Variants in SLC49A4 observed in about 807,000 individuals in gnomAD.
The protein encoded by SLC49A4 is disrupted in renal cancer protein 2.
A neutral mutation model predicts 50.6 loss-of-function variants in SLC49A4; 36 were observed. That is an observed-to-expected ratio of 0.71 (90% CI 0.55 to 0.94). The LOEUF (loss-of-function observed/expected upper bound fraction) is 0.94. Ranked by LOEUF, SLC49A4 falls within the 40% of genes least tolerant of loss-of-function variation. The pLI, the probability that SLC49A4 is intolerant of heterozygous loss-of-function variation, is 0.00. For missense variants in SLC49A4, 503 were observed against 605.7 expected, an observed-to-expected ratio of 0.83 and a Z score of 1.78; for synonymous variants, 248 against 241.2, an observed-to-expected ratio of 1.03 and a Z score of -0.26.
chr3:122,804,917 A>G (rs747100407), intron 1 of SLC49A4, among the ~76,000 whole-genome samples: 1 of 152,210 alleles, frequency 6.6e-6, no homozygotes, highest in African/African-American at 2.4e-5. Flanking sequence ...TAACAATAGG[A>G]AGCCTGGTTA....
chr3:122,874,877 G>A (rs1329198726), intron 8 of SLC49A4, among the ~76,000 whole-genome samples: 1 of 152,174 alleles, frequency 6.6e-6, no homozygotes, highest in Non-Finnish European at 1.5e-5. Flanking sequence ...TGTTTGTTTT[G>A]TTTCTTCTAG....
At chr3:122,810,007 T>A (rs1303015012) in intron 2 of SLC49A4, among the ~76,000 whole-genome samples, 1 of 152,238 alleles carries the variant, frequency 6.6e-6, no homozygotes. Flanking sequence ...TAGCCATCAC[T>A]TTTAAGCTTC....
chr3:122,816,107 C>T (rs1936364097), intron 2 of SLC49A4, among the ~76,000 whole-genome samples: 1 of 152,152 alleles, frequency 6.6e-6, no homozygotes, highest in Non-Finnish European at 1.5e-5. Context: ...GTGGTATCCA[C>T]ATTGATGCCA....
intron 3 of SLC49A4, among the ~76,000 whole-genome samples, chr3:122,832,247 A>G (rs1936617805): frequency 1.3e-5 from 2 of 152,194 alleles, no homozygotes; most frequent in Admixed American, 6.5e-5. Flanking sequence ...CTATATTCCA[A>G]GTTTCCTGAC....
chr3:122,811,868 G>A (rs1441679770), intron 2 of SLC49A4, among the ~76,000 whole-genome samples: 2 of 152,128 alleles, frequency 1.3e-5, no homozygotes, highest in African/African-American at 4.8e-5. Flanking sequence ...TTTTTTCTGG[G>A]AAGAGCATCT....
At chr3:122,811,646 GA>G (rs1936302005) in intron 2 of SLC49A4, among the ~76,000 whole-genome samples, 1 of 152,230 alleles carries the variant, frequency 6.6e-6, no homozygotes, top group Admixed American at 6.5e-5. Flanking sequence ...TGTAATAGCA[GA>G]AGGCTGGATG....
At position 122,860,117 on chromosome 3, in the gene SLC49A4, C is replaced by A. The variant is rs770185149; in HGVS notation, c.1053C>A (p.Leu351=). 4.3e-6 allele frequency: 7 copies of A among 1,613,092 alleles called. No homozygotes were observed. In the Admixed American group the frequency reaches 6.7e-5, roughly 15 times the overall value. Residue 351 remains leucine, a synonymous_variant, in exon 7 of 9, where the codon CTC becomes CTA. Coordinates refer to ENST00000261038, the MANE Select transcript of SLC49A4 (RefSeq NM_032839.3). The stretch of plus-strand genomic sequence containing the variant: ...GGGGTATGCTGAAACTAATTCTTCT[C>A]CTCCTGTTTTCGGGAGCTACACTGT... ...FIRGMLKLIL[L]LLFSGATLSS...
chr3:122,870,692 A>G (rs545109666), intron 7 of SLC49A4, among the ~76,000 whole-genome samples: 2 of 151,802 alleles, frequency 1.3e-5, no homozygotes, highest in South Asian at 4.2e-4. Context: ...ACGAACCTGT[A>G]ATCCCACATG....
intron 3 of SLC49A4, among the ~76,000 whole-genome samples, chr3:122,829,292 A>G (rs1936578869): frequency 6.6e-6 from 1 of 152,250 alleles, no homozygotes; most frequent in East Asian, 1.9e-4. Context: ...TCAAAACTCA[A>G]TTTATGGAAT....
Position 122,847,971 on chromosome 3 carries a change from A to C in SLC49A4, c.942+2100A>C, listed in dbSNP as rs377535177. 3.9e-5 allele frequency among the ~76,000 whole-genome samples: 6 copies of C among 152,346 alleles called. No homozygotes were observed. The East Asian group carries it at 9.6e-4, about 24-fold the overall frequency. ...TTGATATTTAAACCAATTGAAATGA[A>C]ATAAAAGTAAAAAATCACTTCCTTA... On this transcript the variant is annotated intron_variant, in intron 5 of 8. Coordinates refer to ENST00000261038, the MANE Select transcript of SLC49A4 (RefSeq NM_032839.3).
At chr3:122,796,390 T>G (rs1028403960) in intron 1 of SLC49A4, among the ~76,000 whole-genome samples, 1 of 152,248 alleles carries the variant, frequency 6.6e-6, no homozygotes, top group Non-Finnish European at 1.5e-5. Context: ...ATGAGTTCTT[T>G]AGTCAGATTT....
chr3:122,872,152 T>C (rs1937203763), intron 7 of SLC49A4, among the ~76,000 whole-genome samples: 1 of 152,180 alleles, frequency 6.6e-6, no homozygotes, highest in Non-Finnish European at 1.5e-5. Context: ...TAGTGGTAAA[T>C]TGTTTTGTGC....
chr3:122,872,066 C>T (rs1045316850), intron 7 of SLC49A4, among the ~76,000 whole-genome samples: 5 of 151,978 alleles, frequency 3.3e-5, no homozygotes, highest in African/African-American at 7.3e-5. Context: ...TTAGATTTTA[C>T]GCTCTCTTTC....
chr3:122,819,632 A>G (rs1403872316), intron 2 of SLC49A4, among the ~76,000 whole-genome samples: 1 of 152,188 alleles, frequency 6.6e-6, no homozygotes, highest in Non-Finnish European at 1.5e-5. Context: ...TGTGATACCA[A>G]AGTTTTTGGA....
In SLC49A4 at chr3:122,880,481, G is replaced by A. The variant is rs1937323245; in HGVS notation, c.*1103G>A. ...AGAGTTCCACATTGAGTGGCTGTCA[G>A]ACACAGATTTCACTGTGACGTAAAA... On this transcript the variant is annotated 3_prime_UTR_variant, in exon 9 of 9. Transcript: ENST00000261038. The A allele has an allele frequency of 6.6e-6, 1 of 152,088 alleles. No individual in the cohort carries two copies. Among genetic ancestry groups the A allele is most frequent in the Non-Finnish European group, 1.5e-5 (1 of 68,016 alleles). 9.4% of individuals were successfully genotyped at this position (152,088 alleles called of 1,614,324 possible).
At chr3:122,839,024 C>T (rs1198425079) in intron 4 of SLC49A4, among the ~76,000 whole-genome samples, 1 of 152,126 alleles carries the variant, frequency 6.6e-6, no homozygotes, top group African/African-American at 2.4e-5. Flanking sequence ...CAGCATGGTA[C>T]TGGTATAAAA....
At position 122,846,206 on chromosome 3, in the gene SLC49A4, G is replaced by A. The variant is rs565014869; in HGVS notation, c.942+335G>A. 2.0e-4 allele frequency among the ~76,000 whole-genome samples: 31 copies of A among 152,204 alleles called. 1 individual carries two copies. In the South Asian group the frequency reaches 2.3e-3, roughly 11 times the overall value. On this transcript the variant is annotated intron_variant, in intron 5 of 8. Transcript: ENST00000261038. Reference sequence around the variant, plus strand: ...TTAAGATCCCATCATCAAATATATAGCTATTTCTTCATCTAGTTTCTGACT... The same window carrying A: ...TTAAGATCCCATCATCAAATATATAACTATTTCTTCATCTAGTTTCTGACT...
chr3:122,796,285 G>A (rs1936038252), intron 1 of SLC49A4, among the ~76,000 whole-genome samples: 2 of 152,228 alleles, frequency 1.3e-5, no homozygotes, highest in African/African-American at 4.8e-5. Flanking sequence ...CTACCCTCAA[G>A]AGGCTGTTGT....
rs143420219 is a variant in SLC49A4 at position 122,872,419 on chromosome 3, A to G, written c.1143A>G (p.Thr381=). 112 of 1,605,092 alleles carry G rather than the reference A, an allele frequency of 7.0e-5. No individual in the cohort carries two copies. The highest frequency in any genetic ancestry group is 2.7e-4 in the South Asian group (24 of 88,526). Residue 381 remains threonine (T), a synonymous_variant, in exon 8 of 9, where the codon ACA becomes ACG. Transcript: ENST00000261038. ...SITHLPLTTV[T]LYASCILLGV... is the part of the protein sequence containing the mutation. The stretch of plus-strand genomic sequence containing the variant: ...ATGTTTGTGTTTTTATTTTAGTGAC[A>G]TTGTATGCCTCCTGTATTCTCCTGG...
Sources: allele counts gnomAD v4.1 joint callset (sites outside exome capture counted in the v4.1 genomes callset), GRCh38; gene constraint gnomAD v4.1.1; transcripts MANE v1.5; gene names NCBI Gene and HGNC (gene_info 2026-07-23, HGNC 2026-07-21).